Variants in FAM76B observed in about 807,000 individuals in gnomAD.
The protein encoded by FAM76B is protein FAM76B.
A neutral mutation model predicts 51.8 loss-of-function variants in FAM76B; 16 were observed. The ratio of observed to expected loss-of-function variants is 0.31; its 90% CI spans 0.21 to 0.47. FAM76B has a LOEUF of 0.47. FAM76B is among the 20% of genes least tolerant of loss of function. The pLI is 1.00. For missense variants in FAM76B, 342 were observed against 392.6 expected, an observed-to-expected ratio of 0.87 and a Z score of 1.09; for synonymous variants, 166 against 129.5, an observed-to-expected ratio of 1.28 and a Z score of -1.91.
intron 5 of FAM76B, among the ~76,000 whole-genome samples, 185 bp downstream of exon 5, chr11:95,782,880 A>G (rs568991794): frequency 3.9e-5 from 6 of 152,352 alleles, no homozygotes; most frequent in African/African-American, 7.2e-5. Context: ...ACAGCTCAAC[A>G]TATTTCATGT....
intron 9 of FAM76B, among the ~76,000 whole-genome samples, chr11:95,775,451 C>G (rs552243010): frequency 6.6e-6 from 1 of 151,488 alleles, no homozygotes; most frequent in East Asian, 1.9e-4. Context: ...CCACTGTACA[C>G]AGGTTAAGTA....
At chr11:95,782,086 C>T (rs1261662405) in intron 5 of FAM76B, among the ~76,000 whole-genome samples, 6 of 151,916 alleles carry the variant, frequency 3.9e-5, no homozygotes, top group Admixed American at 2.0e-4. Flanking sequence ...GCCATATGTC[C>T]GTTTTTTCCA....
chr11:95,775,021 T>C (rs949655734), intron 9 of FAM76B, among the ~76,000 whole-genome samples: 1 of 148,728 alleles, frequency 6.7e-6, no homozygotes, highest in African/African-American at 2.5e-5. Flanking sequence ...AAAAACAAAA[T>C]GAAACAGGAC....
intron 9 of FAM76B, 157 bp downstream of exon 9, chr11:95,775,765 G>A: frequency 2.3e-6 from 1 of 426,362 alleles, no homozygotes; most frequent in Non-Finnish European, 4.1e-6. Context: ...AACTTCTAAT[G>A]AGATCAAGAT....
chr11:95,779,773 A>C, intron 6 of FAM76B, 86 bp from the exon 7 acceptor site: 1 of 1,555,724 alleles, frequency 6.4e-7, no homozygotes, highest in South Asian at 1.2e-5. Context: ...CTAAAATATT[A>C]CTGAAAATAC....
intron 8 of FAM76B, among the ~76,000 whole-genome samples, 171 bp downstream of exon 8, chr11:95,778,651 C>T (rs1860117174): frequency 6.6e-6 from 1 of 151,240 alleles, no homozygotes; most frequent in Admixed American, 6.6e-5. Context: ...TCTGAAAGAC[C>T]ATTTTTACCC....
At chr11:95,774,203 GAC>G (rs1243080597) in intron 9 of FAM76B, among the ~76,000 whole-genome samples, 3 of 151,356 alleles carry the variant, frequency 2.0e-5, no homozygotes, top group Non-Finnish European at 4.4e-5. Flanking sequence ...GGAGTGAGAA[GAC>G]AGAGATTTCT....
chr11:95,786,449 T>C (rs949725251), intron 3 of FAM76B, 175 bp from the exon 4 acceptor site: 2 of 569,110 alleles, frequency 3.5e-6, no homozygotes, highest in African/African-American at 1.9e-5. Flanking sequence ...TTTCTATGCA[T>C]TCAACTAGTA....
chr11:95,779,451 TA>T (rs1240091243), intron 7 of FAM76B, 155 bp downstream of exon 7: 13 of 690,850 alleles, frequency 1.9e-5, no homozygotes, highest in Non-Finnish European at 2.7e-5. Context: ...AAAATTAAGC[TA>T]AAAATTTTAA....
chr11:95,769,372 G>A lies in FAM76B; in HGVS notation c.*2189C>T, dbSNP rs1202341411. On this transcript the variant is annotated 3_prime_UTR_variant, in exon 10 of 10. Transcript: ENST00000358780. ...AAATAAGGTCATGGAATAAAGAAGGGTATTTAATTAGGACTAAATACTGTG... is the reference window on the plus strand; with the variant it reads ...AAATAAGGTCATGGAATAAAGAAGGATATTTAATTAGGACTAAATACTGTG... 1 of 152,194 alleles carries A rather than the reference G, an allele frequency of 6.6e-6. No individual in the cohort carries two copies. Among genetic ancestry groups the A allele is most frequent in the Admixed American group, 6.6e-5 (1 of 15,192 alleles). The allele number at this position is 152,194 out of a possible 1,614,324, so 9.4% of individuals were successfully genotyped here.
chr11:95,788,606 C>T, intron 1 of FAM76B, 43 bp from the exon 2 acceptor site: 1 of 1,557,418 alleles, frequency 6.4e-7, no homozygotes. Flanking sequence ...TCTGAAAGTC[C>T]CAAATCTCAC....
chr11:95,779,081 A>G, intron 7 of FAM76B, 124 bp from the exon 8 acceptor site: 1 of 1,589,884 alleles, frequency 6.3e-7, no homozygotes, highest in Non-Finnish European at 8.5e-7. Flanking sequence ...TATGTACCTG[A>G]CAGAAATGGA....
At chr11:95,774,138 G>A (rs376507607) in intron 9 of FAM76B, among the ~76,000 whole-genome samples, 9 of 151,342 alleles carry the variant, frequency 5.9e-5, no homozygotes, top group African/African-American at 1.9e-4. Context: ...TAGAAAACCT[G>A]AGGAACCTGA....
intron 9 of FAM76B, among the ~76,000 whole-genome samples, chr11:95,775,000 T>A (rs1384238191): frequency 1.4e-5 from 2 of 142,884 alleles, no homozygotes; most frequent in African/African-American, 5.1e-5. Context: ...GGTGTTACAA[T>A]GTGAAAAAAA....
At chr11:95,787,726 TA>T in intron 2 of FAM76B, 48 bp from the exon 3 acceptor site, 1 of 1,438,090 alleles carries the variant, frequency 7.0e-7, no homozygotes, top group Middle Eastern at 1.9e-4. Flanking sequence ...CTTTCTAAAG[TA>T]ATTAGCACAA....
Position 95,772,667 on chromosome 11 carries a change from T to C in FAM76B, c.931-1017A>G, listed in dbSNP as rs369788033. On this transcript the variant is annotated intron_variant, in intron 9 of 9. Coordinates refer to ENST00000358780, the MANE Select transcript of FAM76B (RefSeq NM_144664.5). ...ACAGGTTCCAGGAATTTTTATTATA[T>C]AGACAGACTTTTTTAATCTCAGTAC... is the stretch of plus-strand genomic sequence containing the variant. 7.9e-5 allele frequency among the ~76,000 whole-genome samples: 12 copies of C among 151,328 alleles called. No homozygotes were observed. In the East Asian group the frequency reaches 1.2e-3, roughly 15 times the overall value.
At chr11:95,774,712 A>C (rs1859917781) in intron 9 of FAM76B, among the ~76,000 whole-genome samples, 1 of 81,230 alleles carries the variant, frequency 1.2e-5, no homozygotes, top group Non-Finnish European at 3.8e-5. Flanking sequence ...CTAATATATA[A>C]GAATCTGATA....
intron 8 of FAM76B, 84 bp from the exon 9 acceptor site, chr11:95,776,107 A>C (rs1442695109): frequency 4.5e-6 from 3 of 665,584 alleles, no homozygotes; most frequent in Non-Finnish European, 6.8e-6. Flanking sequence ...CAATAAACTC[A>C]CATTTCATTA....
intron 4 of FAM76B, among the ~76,000 whole-genome samples, chr11:95,785,101 C>G (rs1327755471): frequency 1.3e-5 from 2 of 152,140 alleles, no homozygotes; most frequent in Non-Finnish European, 2.9e-5. Context: ...ATACACTATT[C>G]TAAGGGATAA....
Sources: gnomAD v4.1 joint callset for allele counts (sites outside exome capture counted in the v4.1 genomes callset) on GRCh38, gnomAD v4.1.1 for gene constraint, MANE v1.5 for transcripts, NCBI Gene and HGNC (gene_info 2026-07-23, HGNC 2026-07-21) for gene names.